The following UGGT1 variants were observed in gnomAD, a reference collection of about 807,000 sequenced individuals.
UGGT1 encodes UDP-glucose:glycoprotein glucosyltransferase 1.
Under a neutral mutation model 203.9 loss-of-function variants are expected in UGGT1, and 107 were observed. The observed-to-expected ratio is 0.52, with a 90% CI of 0.45 to 0.62. The LOEUF is 0.62. Ranked by LOEUF, UGGT1 falls within the 20% of genes least tolerant of loss-of-function variation. The pLI is 0.00. For synonymous variants in UGGT1, 628 were observed against 653.5 expected, an observed-to-expected ratio of 0.96 and a Z score of 0.59; for missense variants, 1,673 against 1,867.2, an observed-to-expected ratio of 0.90 and a Z score of 1.92.
Position 128,151,214 on chromosome 2 carries a change from A to G in UGGT1, c.2017-1570A>G, listed in dbSNP as rs1187752504. 2.4e-5 allele frequency: 14 copies of G among 573,574 alleles called. No individual in the cohort carries two copies. In the East Asian group the frequency reaches 3.5e-4, roughly 14 times the overall value. 35.5% of individuals were successfully genotyped at this position (573,574 alleles called of 1,614,324 possible). On this transcript the variant is annotated intron_variant, in intron 18 of 40. Transcript: ENST00000259253. ...CCCATAGCCTTCTATTTTAGCTCCT[A>G]TTTTTGTTTCTTCTGCTCCTCTTTT...
Position 128,104,136 on chromosome 2 carries a change from G to C in UGGT1, c.277+122G>C, listed in dbSNP as rs185088513. 6.4e-4 allele frequency: 429 copies of C among 669,666 alleles called. 4 individuals carry two copies. In the East Asian group the frequency reaches 0.012, roughly 19 times the overall value. 41.5% of individuals were successfully genotyped at this position (669,666 alleles called of 1,614,324 possible). On this transcript the variant is annotated intron_variant, in intron 3 of 40. Coordinates refer to ENST00000259253, the MANE Select transcript of UGGT1 (RefSeq NM_020120.4). ...AAAACATTGTTGTCTTTAATGACTG[G>C]AGTTATGATGGTGGTCAGGAAGAGC...
intron 26 of UGGT1, among the ~76,000 whole-genome samples, chr2:128,169,652 A>G (rs1409893048): frequency 6.6e-6 from 1 of 152,242 alleles, no homozygotes; most frequent in Middle Eastern, 3.2e-3. Context: ...AGTAAAGAAA[A>G]GCTGGAGTAA....
Position 128,194,191 on chromosome 2 carries a change from C to G in UGGT1, c.*4449C>G, listed in dbSNP as rs1692409794. 6.6e-6 allele frequency: 1 copy of G among 152,072 alleles called. No individual in the cohort carries two copies. The highest frequency in any genetic ancestry group is 2.4e-5 in the African/African-American group (1 of 41,374). The allele number at this position is 152,072 out of a possible 1,614,324, so 9.4% of individuals were successfully genotyped here. On this transcript the variant is annotated 3_prime_UTR_variant, in exon 41 of 41. Coordinates refer to ENST00000259253, the MANE Select transcript of UGGT1 (RefSeq NM_020120.4). ...CACTGCAACCTCTGCCTCCTGGGTTCAGGTGATTCTCCTGCCTCAGCCTTC... is the reference window on the plus strand; with the variant it reads ...CACTGCAACCTCTGCCTCCTGGGTTGAGGTGATTCTCCTGCCTCAGCCTTC...
rs565331276 is a variant in UGGT1 at position 128,164,846 on chromosome 2, T to A, written c.2921+21T>A. On this transcript the variant is annotated intron_variant, in intron 26 of 40. Coordinates refer to ENST00000259253, the MANE Select transcript of UGGT1 (RefSeq NM_020120.4). The stretch of plus-strand genomic sequence containing the variant: ...CACAGGTATAGAATTAATGTTGAAT[T>A]TGTGCATATTCTTGAATATTAAACT... The A allele has an allele frequency of 1.1e-5, 17 of 1,553,090 alleles. No individual in the cohort carries two copies. In the Admixed American group the frequency reaches 3.4e-4, roughly 31 times the overall value.
chr2:128,095,105 G>A (rs1004920253), intron 1 of UGGT1, among the ~76,000 whole-genome samples: 1 of 152,040 alleles, frequency 6.6e-6, no homozygotes, highest in Non-Finnish European at 1.5e-5. Context: ...TTGCTCCTCT[G>A]TGGGAAATGT....
intron 38 of UGGT1, 141 bp from the exon 39 acceptor site, chr2:128,186,541 AG>A: frequency 1.9e-6 from 1 of 513,560 alleles, no homozygotes; most frequent in Non-Finnish European, 3.3e-6. Context: ...TGGGAGGTGG[AG>A]GCTGCAGTGA....
intron 15 of UGGT1, among the ~76,000 whole-genome samples, chr2:128,137,010 T>C (rs1271878909): frequency 6.6e-6 from 1 of 152,252 alleles, no homozygotes; most frequent in Non-Finnish European, 1.5e-5. Flanking sequence ...ATATCTTGTT[T>C]GGTGAAGTGT....
At chr2:128,128,818 A>G (rs1688739347) in intron 12 of UGGT1, among the ~76,000 whole-genome samples, 1 of 152,244 alleles carries the variant, frequency 6.6e-6, no homozygotes, top group African/African-American at 2.4e-5. Flanking sequence ...AAGAATACAG[A>G]GAGATTAATG....
chr2:128,098,307 C>T (rs1376875140), intron 2 of UGGT1, among the ~76,000 whole-genome samples: 2 of 152,214 alleles, frequency 1.3e-5, no homozygotes, highest in Non-Finnish European at 2.9e-5. Context: ...TGGCTCACGC[C>T]TATAATCCCA....
chr2:128,103,662 T>C (rs1687480453), intron 2 of UGGT1, among the ~76,000 whole-genome samples: 1 of 152,066 alleles, frequency 6.6e-6, no homozygotes, highest in Non-Finnish European at 1.5e-5. Flanking sequence ...ATATTGAGAC[T>C]TCCCTTTTAT....
intron 28 of UGGT1, 42 bp downstream of exon 28, chr2:128,171,326 T>TTTTCATCTTAAAA (rs1351322322): frequency 1.9e-6 from 3 of 1,551,386 alleles, no homozygotes; most frequent in Non-Finnish European, 2.7e-6. Context: ...GAAATTGTAC[T>TTTTCATCTTAAAA]GAATCCAAGT....
chr2:128,142,955 G>A, intron 16 of UGGT1, 139 bp from the exon 17 acceptor site: 4 of 873,998 alleles, frequency 4.6e-6, no homozygotes, highest in Non-Finnish European at 6.5e-6. Context: ...ACTCCAACCT[G>A]GGTGACAGCA....
At chr2:128,177,468 C>T (rs569452657) in intron 32 of UGGT1, among the ~76,000 whole-genome samples, 5 of 152,242 alleles carry the variant, frequency 3.3e-5, no homozygotes, top group South Asian at 2.1e-4. Context: ...AAATACCTCC[C>T]TCCCAACAGC....
At chr2:128,159,836 A>G (rs1206614912) in intron 23 of UGGT1, 116 bp downstream of exon 23, 4 of 1,108,764 alleles carry the variant, frequency 3.6e-6, no homozygotes, top group Non-Finnish European at 5.1e-6. Flanking sequence ...CCTGAGTCTC[A>G]GGGAATTTTT....
intron 19 of UGGT1, among the ~76,000 whole-genome samples, chr2:128,154,167 A>G (rs1690117175): frequency 6.6e-6 from 1 of 152,138 alleles, no homozygotes; most frequent in Non-Finnish European, 1.5e-5. Context: ...CCAGAAAGTG[A>G]GCTTTTTCTT....
intron 11 of UGGT1, among the ~76,000 whole-genome samples, chr2:128,123,776 C>T (rs1429527746): frequency 3.3e-5 from 5 of 152,088 alleles, no homozygotes; most frequent in Non-Finnish European, 4.4e-5. Flanking sequence ...CAGGGCATGC[C>T]GGTCATCCTG....
intron 1 of UGGT1, among the ~76,000 whole-genome samples, chr2:128,095,476 C>G (rs139021288): frequency 6.7e-6 from 1 of 148,622 alleles, no homozygotes; most frequent in Non-Finnish European, 1.5e-5. Flanking sequence ...CTTCCTCCTC[C>G]TCCTCTTCCT....
chr2:128,170,541 T>C lies in UGGT1; in HGVS notation c.3024+151T>C, dbSNP rs1461116506. On this transcript the variant is annotated intron_variant, in intron 27 of 40. Transcript: ENST00000259253. ...TAGGGCAGAGCAATCTTTACAAAGA[T>C]TGACAGTGGCTGTGAAACAGCCTCA... is the stretch of plus-strand genomic sequence containing the variant. The C allele has an allele frequency of 1.2e-5, 8 of 643,260 alleles. No individual in the cohort carries two copies. The Admixed American group carries it at 1.2e-4, about 10-fold the overall frequency. 39.8% of individuals were successfully genotyped at this position (643,260 alleles called of 1,614,324 possible).
At chr2:128,127,543 A>T (rs1688662820) in intron 12 of UGGT1, 91 bp downstream of exon 12, 3 of 1,001,710 alleles carry the variant, frequency 3.0e-6, no homozygotes. Context: ...TTGATATGGC[A>T]TGATGCAAAG....
Sources: allele counts gnomAD v4.1 joint callset (sites outside exome capture counted in the v4.1 genomes callset), GRCh38; gene constraint gnomAD v4.1.1; transcripts MANE v1.5; gene names NCBI Gene and HGNC (gene_info 2026-07-23, HGNC 2026-07-21).